DESI1: variants seen among roughly 807,000 people sequenced by gnomAD.
DESI1 encodes the protein desumoylating isopeptidase 1.
A neutral mutation model predicts 22.4 loss-of-function variants in DESI1; 17 were observed. That is an observed-to-expected ratio of 0.76 (90% confidence interval 0.52 to 1.14). The LOEUF (loss-of-function observed/expected upper bound fraction) is 1.14. DESI1 is among the 50% of genes most tolerant of loss of function. The pLI is 0.00. For synonymous variants in DESI1, 92 were observed against 84.2 expected, an observed-to-expected ratio of 1.09 and a Z score of -0.51; for missense variants, 177 against 208.9, an observed-to-expected ratio of 0.85 and a Z score of 0.94.
intron 1 of DESI1, among the ~76,000 whole-genome samples, chr22:41,618,032 C>T (rs1242841928): frequency 6.6e-6 from 1 of 152,178 alleles, no homozygotes; most frequent in Non-Finnish European, 1.5e-5. Flanking sequence ...CCTAAATTCC[C>T]ACTTTCAAAG....
intron 1 of DESI1, among the ~76,000 whole-genome samples, chr22:41,609,721 T>C (rs2067504820): frequency 6.6e-6 from 1 of 151,190 alleles, no homozygotes; most frequent in Admixed American, 6.6e-5. Flanking sequence ...TTGCTTGAAC[T>C]TGGGAGGCAG....
At chr22:41,603,969 T>C (rs1337091522) in intron 4 of DESI1, 75 bp downstream of exon 4, 18 of 1,342,136 alleles carry the variant, frequency 1.3e-5, no homozygotes, top group Non-Finnish European at 1.8e-5. Flanking sequence ...TGATATGACA[T>C]GGCAGCTGCC....
chr22:41,603,982 C>A, intron 4 of DESI1, 62 bp downstream of exon 4: 2 of 1,472,878 alleles, frequency 1.4e-6, no homozygotes, highest in Admixed American at 1.8e-5. Flanking sequence ...CAGCTGCCTC[C>A]AGGGGTTATT....
intron 1 of DESI1, among the ~76,000 whole-genome samples, chr22:41,618,686 G>T (rs1474164863): frequency 6.6e-6 from 1 of 152,118 alleles, no homozygotes; most frequent in African/African-American, 2.4e-5. Context: ...GAGGTTTTAC[G>T]TGGGGTATAG....
chr22:41,616,555 C>T (rs1182427375), intron 1 of DESI1, among the ~76,000 whole-genome samples: 1 of 151,576 alleles, frequency 6.6e-6, no homozygotes, highest in Non-Finnish European at 1.5e-5. Context: ...CACACACACA[C>T]ACACACACAC....
chr22:41,620,647 C>T (rs1267127520), intron 1 of DESI1, 105 bp downstream of exon 1: 5 of 1,137,806 alleles, frequency 4.4e-6, no homozygotes, highest in Admixed American at 2.5e-5. Flanking sequence ...TCCTCCTGGC[C>T]ATGTGTCTCC....
intron 1 of DESI1, among the ~76,000 whole-genome samples, chr22:41,611,045 G>C (rs1601513177): frequency 2.0e-5 from 3 of 152,152 alleles, no homozygotes; most frequent in Admixed American, 2.0e-4. Flanking sequence ...ATCCATTTAG[G>C]ACGAGCATCT....
rs1362220745 is a variant in DESI1 at position 41,603,401 on chromosome 22, C to T, written c.291-20G>A. On this transcript the variant is annotated intron_variant, in intron 4 of 5. Transcript: ENST00000263256. The stretch of plus-strand genomic sequence containing the variant: ...TCACCTCTGTACATTGAAAGGTTTG[C>T]AGAACATATATGAGAAACCAGCAAG... 1.9e-6 allele frequency: 3 copies of T among 1,614,088 alleles called. No homozygotes were observed. Among genetic ancestry groups the T allele is most frequent in the Non-Finnish European group, 2.5e-6 (3 of 1,179,954 alleles).
chr22:41,611,395 A>G (rs1005251689), intron 1 of DESI1, among the ~76,000 whole-genome samples: 3 of 151,636 alleles, frequency 2.0e-5, no homozygotes, highest in African/African-American at 7.3e-5. Context: ...AGCCTCCCAA[A>G]GTACTGGGAT....
chr22:41,609,673 C>T (rs1051913739), intron 1 of DESI1, among the ~76,000 whole-genome samples: 1 of 152,034 alleles, frequency 6.6e-6, no homozygotes, highest in Admixed American at 6.6e-5. Context: ...TGGCATGCAC[C>T]TGTAGTCCCA....
intron 1 of DESI1, among the ~76,000 whole-genome samples, chr22:41,619,685 A>T (rs1226381716): frequency 6.6e-6 from 1 of 152,228 alleles, no homozygotes; most frequent in African/African-American, 2.4e-5. Flanking sequence ...TGTGAGATTA[A>T]GTTCAATTCA....
chr22:41,602,050 G>C (rs1457633059), intron 5 of DESI1: 14 of 320,324 alleles, frequency 4.4e-5, no homozygotes, highest in Non-Finnish European at 6.3e-5. Context: ...TGCTCTCATA[G>C]TAACAGATGG....
chr22:41,616,758 G>T (rs905360357), intron 1 of DESI1, among the ~76,000 whole-genome samples: 2 of 152,188 alleles, frequency 1.3e-5, no homozygotes, highest in African/African-American at 2.4e-5. Context: ...TTTTCATAGT[G>T]AATGAAAAGC....
chr22:41,605,127 G>C (rs1031244872), intron 3 of DESI1, among the ~76,000 whole-genome samples: 2 of 152,180 alleles, frequency 1.3e-5, no homozygotes, highest in African/African-American at 2.4e-5. Context: ...CATAAAGTAT[G>C]CAGCCAGTTT....
At chr22:41,607,814 AAAGT>A in intron 2 of DESI1, 22 bp downstream of exon 2, 1 of 1,614,136 alleles carries the variant, frequency 6.2e-7, no homozygotes, top group Non-Finnish European at 8.5e-7. Flanking sequence ...AAAACTAGTC[AAAGT>A]AAGGAGACCC....
chr22:41,611,591 CTT>C lies in DESI1; in HGVS notation c.89-3732_89-3731del, dbSNP rs132764. Among the ~76,000 whole-genome samples the C allele has an allele frequency of 9.1e-3, 948 of 103,736 alleles. 9 individuals carry two copies. Among genetic ancestry groups the C allele is most frequent in the East Asian group, 0.014 (46 of 3,328 alleles). 68.1% of individuals were successfully genotyped at this position (103,736 alleles called of 152,430 possible). On this transcript the variant is annotated intron_variant, in intron 1 of 5. Coordinates refer to ENST00000263256, the MANE Select transcript of DESI1 (RefSeq NM_015704.3). ...ACCTGCTTTCTCTTACCTGTTCCTT[CTT>C]TTTTTTTTTTTTTTTTTTTGAGACA...
intron 1 of DESI1, among the ~76,000 whole-genome samples, chr22:41,612,756 CT>C (rs1176318751): frequency 0.053 from 7,185 of 134,688 alleles, 501 homozygotes; most frequent in African/African-American, 0.18. Flanking sequence ...CCCAGGCCTA[CT>C]TTTTTTTTTT....
chr22:41,607,182 T>C (rs1485461352), intron 3 of DESI1, 80 bp downstream of exon 3: 4 of 1,355,856 alleles, frequency 3.0e-6, no homozygotes, highest in East Asian at 2.5e-5. Flanking sequence ...CAGAAGTCCA[T>C]AGTAGAAGCA....
At chr22:41,607,393 C>T (rs1278455145) in intron 2 of DESI1, 62 bp from the exon 3 acceptor site, 3 of 1,495,760 alleles carry the variant, frequency 2.0e-6, no homozygotes, top group East Asian at 2.4e-5. Context: ...AAAGCAAACA[C>T]CATAATGCAA....
Sources: allele counts gnomAD v4.1 joint callset (sites outside exome capture counted in the v4.1 genomes callset), GRCh38; gene constraint gnomAD v4.1.1; transcripts MANE v1.5; gene names NCBI Gene and HGNC (gene_info 2026-07-23, HGNC 2026-07-21).